Variants in FER observed in about 807,000 individuals in gnomAD.
FER encodes the protein tyrosine-protein kinase Fer.
Under a neutral mutation model 111.0 loss-of-function variants are expected in FER, and 63 were observed. The ratio of observed to expected loss-of-function variants is 0.57; its 90% CI spans 0.46 to 0.70. FER has a LOEUF of 0.70. Among genes scored for constraint, FER ranks in the 30% least tolerant of loss-of-function variants. FER has a pLI of 0.00. For synonymous variants in FER, 327 were observed against 313.9 expected (o/e 1.04, Z -0.44); for missense variants, 914 against 954.0 (o/e 0.96, Z 0.55).
intron 1 of FER, among the ~76,000 whole-genome samples, chr5:108,753,976 A>G (rs1483121679): frequency 1.3e-5 from 2 of 152,176 alleles, no homozygotes; most frequent in Non-Finnish European, 2.9e-5. Context: ...GACATATTCC[A>G]CTGTGCAGTT....
chr5:109,078,422 G>C (rs551762728), intron 16 of FER, among the ~76,000 whole-genome samples: 2 of 152,264 alleles, frequency 1.3e-5, no homozygotes, highest in East Asian at 3.9e-4. Flanking sequence ...TCTGGGTGAT[G>C]TCTCTACATC....
intron 13 of FER, among the ~76,000 whole-genome samples, chr5:108,995,424 A>AC (rs1216485461): frequency 1.6e-5 from 2 of 125,112 alleles, no homozygotes; most frequent in African/African-American, 3.1e-5. Context: ...CTAGCCCCCC[A>AC]CCCCCCAACA....
intron 16 of FER, among the ~76,000 whole-genome samples, chr5:109,053,591 AG>A (rs1773158695): frequency 6.6e-6 from 1 of 152,040 alleles, no homozygotes; most frequent in Non-Finnish European, 1.5e-5. Context: ...AGAATCATGC[AG>A]TAAGCACTTT....
At chr5:109,027,579 G>A (rs946643074) in intron 13 of FER, among the ~76,000 whole-genome samples, 1 of 152,034 alleles carries the variant, frequency 6.6e-6, no homozygotes, top group South Asian at 2.1e-4. Context: ...TTTCAAATAT[G>A]TCCCTGTGCC....
At chr5:108,958,633 C>G (rs1045733829) in intron 12 of FER, among the ~76,000 whole-genome samples, 2 of 151,720 alleles carry the variant, frequency 1.3e-5, no homozygotes, top group Non-Finnish European at 3.0e-5. Context: ...GTCACTGTTG[C>G]ATTTTATTTC....
At chr5:108,981,704 A>G (rs1488001015) in intron 13 of FER, among the ~76,000 whole-genome samples, 1 of 152,096 alleles carries the variant, frequency 6.6e-6, no homozygotes, top group Non-Finnish European at 1.5e-5. Flanking sequence ...CGAGGTGGAT[A>G]TTATTTTCCT....
intron 3 of FER, among the ~76,000 whole-genome samples, chr5:108,822,233 A>G (rs1156851911): frequency 6.6e-6 from 1 of 152,136 alleles, no homozygotes; most frequent in Non-Finnish European, 1.5e-5. Context: ...ACACACACAC[A>G]CACATTTTAT....
At chr5:108,787,810 C>A (rs1482827275) in intron 2 of FER, among the ~76,000 whole-genome samples, 1 of 152,166 alleles carries the variant, frequency 6.6e-6, no homozygotes, top group East Asian at 1.9e-4. Flanking sequence ...CACATTGGGA[C>A]AACCTGCCTG....
chr5:109,105,682 C>G (rs866027360), intron 17 of FER, among the ~76,000 whole-genome samples: 2 of 152,122 alleles, frequency 1.3e-5, no homozygotes, highest in South Asian at 2.1e-4. Flanking sequence ...TGTGCTGACT[C>G]CATTCTGACA....
intron 17 of FER, among the ~76,000 whole-genome samples, chr5:109,145,310 C>G (rs1561952179): frequency 6.6e-6 from 1 of 152,184 alleles, no homozygotes; most frequent in East Asian, 1.9e-4. Flanking sequence ...AGAAAATGCT[C>G]TCTTTGAAAT....
intron 10 of FER, among the ~76,000 whole-genome samples, chr5:108,938,575 G>A (rs1166623158): frequency 1.3e-5 from 2 of 151,950 alleles, no homozygotes; most frequent in African/African-American, 2.4e-5. Context: ...CTAAGAGACA[G>A]GGTAGCAAGG....
At position 109,188,788 on chromosome 5, in the gene FER, CTTTCAGTTAAGCAT is replaced by C. The variant is rs966276537; in HGVS notation, c.*1219_*1232del. 3.9e-5 allele frequency: 6 copies of C among 152,164 alleles called. No individual in the cohort carries two copies. Among genetic ancestry groups the C allele is most frequent in the African/African-American group, 1.4e-4 (6 of 41,444 alleles). 9.4% of individuals were successfully genotyped at this position (152,164 alleles called of 1,614,324 possible). ...ACAAATCCACAGAAATAACAGCATA[CTTTCAGTTAAGCAT>C]TTTCACCTTAGAGGGGGCATTCCAA... On this transcript the variant is annotated 3_prime_UTR_variant, in exon 20 of 20. Transcript: ENST00000281092.
chr5:108,999,661 T>C (rs1366425930), intron 13 of FER, among the ~76,000 whole-genome samples: 1 of 152,018 alleles, frequency 6.6e-6, no homozygotes, highest in Non-Finnish European at 1.5e-5. Flanking sequence ...CTCCTATCAG[T>C]ATGGCAAAAG....
chr5:109,058,159 C>T (rs539490521), intron 16 of FER, among the ~76,000 whole-genome samples: 1 of 151,142 alleles, frequency 6.6e-6, no homozygotes, highest in East Asian at 1.9e-4. Flanking sequence ...GCACCCTTTC[C>T]TGATTTAATA....
intron 13 of FER, among the ~76,000 whole-genome samples, chr5:108,973,794 C>G (rs2149704399): frequency 6.6e-6 from 1 of 152,254 alleles, no homozygotes; most frequent in Middle Eastern, 3.4e-3. Flanking sequence ...TTTCTCACTA[C>G]TTTCTAGTAA....
intron 10 of FER, among the ~76,000 whole-genome samples, chr5:108,945,105 T>C (rs568862898): frequency 1.3e-5 from 2 of 152,262 alleles, no homozygotes; most frequent in South Asian, 4.1e-4. Flanking sequence ...CCCTAGGTAT[T>C]GGAGACAAAA....
rs542051146 is a variant in FER at position 108,782,389 on chromosome 5, A to C, written c.-60+14151A>C. On this transcript the variant is annotated intron_variant, in intron 2 of 19. Transcript: ENST00000281092. The stretch of plus-strand genomic sequence containing the variant: ...CCCCCTTCAACCTCCTGCATAGACC[A>C]CGTTTCTTACATGCCCAGTAGAAGC... Among the ~76,000 whole-genome samples, 9 of 151,662 alleles carry C rather than the reference A, an allele frequency of 5.9e-5. No homozygotes were observed. In the East Asian group the frequency reaches 1.6e-3, roughly 26 times the overall value.
At chr5:109,103,134 G>A (rs1392614416) in intron 17 of FER, among the ~76,000 whole-genome samples, 1 of 151,926 alleles carries the variant, frequency 6.6e-6, no homozygotes. Flanking sequence ...ATGAGGAAAG[G>A]TTCTAAGTCT....
At chr5:108,881,155 C>T (rs1765636010) in intron 8 of FER, among the ~76,000 whole-genome samples, 1 of 152,084 alleles carries the variant, frequency 6.6e-6, no homozygotes, top group Non-Finnish European at 1.5e-5. Flanking sequence ...TAAACACATA[C>T]CACATAAATA....
Sources: gnomAD v4.1 joint callset for allele counts (sites outside exome capture counted in the v4.1 genomes callset) on GRCh38, gnomAD v4.1.1 for gene constraint, MANE v1.5 for transcripts, NCBI Gene and HGNC (gene_info 2026-07-23, HGNC 2026-07-21) for gene names.